Variants in TMEM25 observed in about 807,000 individuals in gnomAD.
TMEM25 encodes the protein 0610039J01Rik.
TMEM25 carries 36 observed loss-of-function variants against 37.0 expected under a neutral mutation model. The observed-to-expected ratio is 0.97, with a 90% CI of 0.75 to 1.28. The LOEUF is 1.28. Ranked by LOEUF, TMEM25 falls within the 50% of genes most tolerant of loss-of-function variation. The pLI is 0.00. For missense variants in TMEM25, 444 were observed against 477.9 expected (o/e 0.93, Z 0.66); for synonymous variants, 197 against 203.7 (o/e 0.97, Z 0.28).
At chr11:118,536,873 G>A (rs1951516580), downstream of TMEM25, among the ~76,000 whole-genome samples, 1 of 152,204 alleles carries the variant, frequency 6.6e-6, no homozygotes, top group Non-Finnish European at 1.5e-5. Flanking sequence ...TATATACAGA[G>A]AGAGCGCAAG....
At chr11:118,545,912 C>G (rs1951672872) in intron 8 of TMEM25, 1 of 1,370,218 alleles carries the variant, frequency 7.3e-7, no homozygotes, top group African/African-American at 1.4e-5. Flanking sequence ...CCCAGAACCA[C>G]TCTCTCTCTC....
downstream of TMEM25, among the ~76,000 whole-genome samples, chr11:118,536,294 A>T (rs1555063496): frequency 6.6e-6 from 1 of 151,972 alleles, no homozygotes; most frequent in African/African-American, 2.4e-5. Flanking sequence ...CCTGGGTTCA[A>T]GTGATTCTCC....
At chr11:118,545,015 C>G in intron 8 of TMEM25, 1 of 1,599,432 alleles carries the variant, frequency 6.3e-7, no homozygotes. Context: ...TAAAATGCTG[C>G]AAGGAAGAGG....
At chr11:118,532,121 C>A in intron 2 of TMEM25, 29 bp from the exon 3 acceptor site, 1 of 1,515,604 alleles carries the variant, frequency 6.6e-7, no homozygotes. Flanking sequence ...TGCCTGAGCC[C>A]TTCCCAGAGG....
chr11:118,533,291 G>T, intron 4 of TMEM25, 84 bp downstream of exon 4: 1 of 1,562,058 alleles, frequency 6.4e-7, no homozygotes, highest in Non-Finnish European at 8.6e-7. Flanking sequence ...AATACTTGTT[G>T]CCCTGTGGTT....
chr11:118,534,828 G>A lies in TMEM25; in HGVS notation c.*248G>A. 1 of 1,361,948 alleles carries A rather than the reference G, an allele frequency of 7.3e-7. No homozygotes were observed. The highest frequency in any genetic ancestry group is 9.5e-7 in the Non-Finnish European group (1 of 1,054,784). 84.4% of individuals were successfully genotyped at this position (1,361,948 alleles called of 1,614,324 possible). A position where few individuals can be genotyped will look rare whatever the true frequency, so the allele number is the denominator to read the frequency against. ...AAGCCCCTCATGCTGACTCAGGGTG[G>A]GCCCTGCATGTGATGACTGGGCCCT... On this transcript the variant is annotated 3_prime_UTR_variant, in exon 9 of 9. Coordinates refer to ENST00000313236, the MANE Select transcript of TMEM25 (RefSeq NM_032780.4). The surrounding 1 kb of genome is among the most constrained non-coding windows in gnomAD (Gnocchi z 4.6).
chr11:118,545,693 G>A (rs2135463250), intron 8 of TMEM25: 1 of 1,354,006 alleles, frequency 7.4e-7, no homozygotes, highest in Non-Finnish European at 1.1e-6. Context: ...AGTGAAGGCT[G>A]AAACTCAAGA....
chr11:118,532,090 G>A lies in TMEM25; in HGVS notation c.71-60G>A, dbSNP rs1555058896. On this transcript the variant is annotated intron_variant, in intron 2 of 8. Coordinates refer to ENST00000313236, the MANE Select transcript of TMEM25 (RefSeq NM_032780.4). ...GCTCTTCTCACTGGGCCAATTCCTG[G>A]TCACAGCACAGTACCAACCGTGCCT... is the stretch of plus-strand genomic sequence containing the variant. The A allele has an allele frequency of 5.5e-6, 8 of 1,461,374 alleles. No individual in the cohort carries two copies. In the East Asian group the frequency reaches 2.0e-4, roughly 36 times the overall value. 90.5% of individuals were successfully genotyped at this position (1,461,374 alleles called of 1,614,324 possible).
At chr11:118,546,232 T>G (rs1355714962) in exon 9 of TMEM25, 5 of 712,254 alleles carry the variant, frequency 7.0e-6, no homozygotes, top group African/African-American at 1.8e-5. Flanking sequence ...CGTGGTGGCT[T>G]CACGCCTGTA....
rs564303219 is a variant in TMEM25 at position 118,544,348 on chromosome 11, G to C, written c.1028-1771G>C. 1.2e-4 allele frequency among the ~76,000 whole-genome samples: 19 copies of C among 152,258 alleles called. No individual in the cohort carries two copies. In the East Asian group the frequency reaches 1.4e-3, roughly 11 times the overall value. Reference sequence around the variant, plus strand: ...AGACCCTTAGAAAAATTAAATTCCAGAGGAAAAATGATTCCCCTCGACTGC... The same window carrying C: ...AGACCCTTAGAAAAATTAAATTCCACAGGAAAAATGATTCCCCTCGACTGC... On this transcript the variant is annotated intron_variant, in intron 8 of 8. Transcript: ENST00000354284.
chr11:118,546,345 G>A, exon 9 of TMEM25: 1 of 573,664 alleles, frequency 1.7e-6, no homozygotes, highest in East Asian at 3.0e-5. Context: ...AAAAAAATTA[G>A]CCGGGTGTGG....
Position 118,533,465 on chromosome 11 carries a change from T to C in TMEM25, c.719T>C (p.Val240Ala), listed in dbSNP as rs782760378. The C allele has an allele frequency of 1.2e-6, 2 of 1,614,184 alleles. No homozygotes were observed. The highest frequency in any genetic ancestry group is 1.7e-6 in the Non-Finnish European group (2 of 1,180,016). ...RVEVPLLGIV[V>A]AAGLALGTLV... ...GAAGTGCCACTGCTGGGCATTGTTG[T>C]GGCTGCTGGGCTTGCACTGGGCACC... Residue 240 changes from valine to alanine, a missense_variant, in exon 5 of 9, where the codon GTG becomes GCG. By Grantham distance (64) the Val-to-Ala change is moderately conservative (BLOSUM62 0). Transcript: ENST00000313236.
chr11:118,544,929 A>C, intron 8 of TMEM25: 1 of 1,612,472 alleles, frequency 6.2e-7, no homozygotes, highest in Non-Finnish European at 8.5e-7. Flanking sequence ...GCTGAAGGTT[A>C]ATGTCTCCAT....
chr11:118,537,300 C>T (rs1477296506), downstream of TMEM25, among the ~76,000 whole-genome samples: 2 of 151,612 alleles, frequency 1.3e-5, no homozygotes, highest in South Asian at 4.2e-4. Context: ...GAGATCGCGC[C>T]AATGCACTCC....
intron 8 of TMEM25, among the ~76,000 whole-genome samples, chr11:118,541,475 A>AAAAAAG (rs534709160): frequency 0.027 from 3,760 of 137,300 alleles, 297 homozygotes; most frequent in African/African-American, 0.087. Context: ...AAAAAAAAAA[A>AAAAAAG]AAAAGAAAAA....
At position 118,532,600 on chromosome 11, in the gene TMEM25, C is replaced by T. The variant is rs1046612548; in HGVS notation, c.382+139C>T. 9.3e-5 allele frequency: 93 copies of T among 997,108 alleles called. No individual in the cohort carries two copies. The African/African-American group carries it at 1.3e-3, about 14-fold the overall frequency. 61.8% of individuals were successfully genotyped at this position (997,108 alleles called of 1,614,324 possible). ...TGAACTCATTTGATCCTCTGAGTAA[C>T]CCCATGAGGTCATTACTATTGTCGT... On this transcript the variant is annotated intron_variant, in intron 3 of 8. Transcript: ENST00000313236.
Position 118,533,224 on chromosome 11 carries a change from A to G in TMEM25, c.673+17A>G. 1.3e-6 allele frequency: 2 copies of G among 1,579,118 alleles called. No homozygotes were observed. Among genetic ancestry groups the G allele is most frequent in the East Asian group, 4.5e-5 (2 of 44,576 alleles). On this transcript the variant is annotated intron_variant, in intron 4 of 8. Transcript: ENST00000313236. ...CAGCCCCAGGTGAGCATGGCCAGCAAGCGGCCCTGCAAAGCTTCAGGTGGG... is the reference window on the plus strand; with the variant it reads ...CAGCCCCAGGTGAGCATGGCCAGCAGGCGGCCCTGCAAAGCTTCAGGTGGG...
downstream of TMEM25, among the ~76,000 whole-genome samples, chr11:118,537,863 C>T (rs1951531262): frequency 6.6e-6 from 1 of 151,986 alleles, no homozygotes; most frequent in South Asian, 2.1e-4. Flanking sequence ...CCAGCCTGGG[C>T]AACATGGTGA....
At position 118,534,440 on chromosome 11, in the gene TMEM25, G is replaced by A. The variant is rs1951444665; in HGVS notation, c.1028-67G>A. ...GAGGCCTCCAAGTGCCCAGGAGGCA[G>A]AGAGAGCTCTCCAAATTCCAAGGAA... On this transcript the variant is annotated intron_variant, in intron 8 of 8. Transcript: ENST00000313236. The surrounding 1 kb of genome is among the most constrained non-coding windows in gnomAD (Gnocchi z 4.6). 6.2e-7 allele frequency: 1 copy of A among 1,610,870 alleles called. No individual in the cohort carries two copies. The highest frequency in any genetic ancestry group is 1.3e-5 in the African/African-American group (1 of 74,838).
Sources: gnomAD v4.1 joint callset for allele counts (sites outside exome capture counted in the v4.1 genomes callset) on GRCh38, gnomAD v4.1.1 for gene constraint, Gnocchi (gnomAD v3.1) non-coding constraint, MANE v1.5 for transcripts, NCBI Gene and HGNC (gene_info 2026-07-23, HGNC 2026-07-21) for gene names.